The following TTN variants were observed in gnomAD, a reference collection of about 807,000 sequenced individuals.
The protein encoded by TTN is titin, also known as connectin.
Under a neutral mutation model 3,223.0 loss-of-function variants are expected in TTN, and 1,525 were observed. The ratio of observed to expected loss-of-function variants is 0.47; its 90% CI spans 0.45 to 0.49. The LOEUF (loss-of-function observed/expected upper bound fraction) is 0.49. Ranked by LOEUF, TTN falls within the 20% of genes least tolerant of loss-of-function variation. TTN has a pLI of 0.00. For missense variants in TTN, 40,786 were observed against 43,424.0 expected (o/e 0.94, Z 5.40); for synonymous variants, 14,094 against 15,161.0 (o/e 0.93, Z 5.17).
chr2:178,704,090 C>A, intron 106 of TTN, 57 bp downstream of exon 106: 1 of 1,578,738 alleles, frequency 6.3e-7, no homozygotes. Flanking sequence ...GGGTCCTGCA[C>A]AACATTTGCC....
intron 20 of TTN, among the ~76,000 whole-genome samples, chr2:178,781,940 G>A (rs1226494018): frequency 6.6e-6 from 1 of 151,696 alleles, no homozygotes; most frequent in African/African-American, 2.4e-5. Flanking sequence ...GGGTGTGTTT[G>A]TGTGAAAATC....
chr2:178,770,666 A>C lies in TTN; in HGVS notation c.8126T>G (p.Ile2709Ser), dbSNP rs2091328773. Residue 2709 changes from isoleucine to serine, a missense_variant, in exon 35 of 363, where the codon ATT (isoleucine) becomes AGT (serine). Coordinates refer to ENST00000589042, the MANE Select transcript of TTN (RefSeq NM_001267550.2). ...TGTGAGGTTCTTCAGAGTCTTCTTA[A>C]TTTTGACAGCTAAAGACAAATTTAT... ...SAKLKVEAVK[I>S]KKTLKNLTVT... 1 of 1,611,842 alleles carries C rather than the reference A, an allele frequency of 6.2e-7. No homozygotes were observed. The highest frequency in any genetic ancestry group is 1.7e-5 in the Admixed American group (1 of 59,972).
rs779953838 is a variant in TTN, at chr2:178,547,434, C to T, written c.94192G>A (p.Ala31398Thr). The change falls in exon 339 of 363, where the codon GCA (alanine) becomes ACA (threonine). Residue 31398 changes from alanine (A) to threonine (T), a missense_variant. Transcript: ENST00000589042. ...RFGVSKPLES[A>T]PIIAEHPFVP... ...AATGGATGTTCAGCAATTATTGGTG[C>T]TGATTCTAGAGGTTTGCTGACACCA... is the stretch of plus-strand genomic sequence containing the variant. 3 of 1,604,260 alleles carry T rather than the reference C, an allele frequency of 1.9e-6. No homozygotes were observed. In the Admixed American group the frequency reaches 5.1e-5, roughly 27 times the overall value.
In TTN at chr2:178,609,410, C is replaced by G. The variant is rs760140429; in HGVS notation, c.51900G>C (p.Leu17300Phe). The G allele has an allele frequency of 1.2e-6, 2 of 1,612,214 alleles. No individual in the cohort carries two copies. Among genetic ancestry groups the G allele is most frequent in the Admixed American group, 1.7e-5 (1 of 59,908 alleles). Residue 17300 changes from leucine (L) to phenylalanine (F), a missense_variant, in exon 273 of 363, where the codon TTG becomes TTC. Leu to Phe is a conservative substitution (Grantham distance 22). Coordinates refer to ENST00000589042, the MANE Select transcript of TTN (RefSeq NM_001267550.2). The stretch of plus-strand genomic sequence containing the variant: ...GAACTTCACCCTTCCTTCTCCTAAC[C>G]AAGGGTGCTGCACGCTTCTTAATTT... The part of the protein sequence containing the change: ...PEEIKKRAAP[L>F]VRRRKGEVQE...
In TTN at chr2:178,575,852, A is replaced by G; in HGVS notation, c.70280T>C (p.Phe23427Ser). The G allele has an allele frequency of 6.2e-7, 1 of 1,613,602 alleles. No individual in the cohort carries two copies. The highest frequency in any genetic ancestry group is 8.5e-7 in the Non-Finnish European group (1 of 1,179,622). ...IENPAGKKSG[F>S]VNVRVLDTPG... ...CGTGTCCAAGACTCTGACGTTCACA[A>G]AGCCACTTTTCTTCCCAGCCGGGTT... The change falls in exon 326 of 363, where the codon TTT (phenylalanine) becomes TCT (serine). Residue 23427 changes from phenylalanine to serine, a missense_variant. By Grantham distance (155) the Phe-to-Ser change is radical. Transcript: ENST00000589042. The surrounding 1 kb of genome is among the most constrained non-coding windows in gnomAD (Gnocchi z 4.0).
rs779044914 is a variant in TTN at position 178,583,843 on chromosome 2, C to T, written c.65339G>A (p.Arg21780His). Residue 21780 changes from arginine (R) to histidine (H), a missense_variant, in exon 312 of 363, where the codon CGT becomes CAT. By Grantham distance (29) the Arg-to-His change is conservative. Transcript: ENST00000589042. ...TTTACTGCCTCCATCATGCTTTGGACGAGCCCAGATCAGAGATACAGTACT... is the reference window on the plus strand; with the variant it reads ...TTTACTGCCTCCATCATGCTTTGGATGAGCCCAGATCAGAGATACAGTACT... ...TKSTVSLIWA[R>H]PKHDGGSKII... is the part of the protein sequence containing the mutation. 1.1e-5 allele frequency: 17 copies of T among 1,608,774 alleles called. No homozygotes were observed. The highest frequency in any genetic ancestry group is 5.6e-5 in the South Asian group (5 of 90,052).
chr2:178,646,183 C>T (rs527978637), intron 216 of TTN, among the ~76,000 whole-genome samples, 153 bp from the exon 217 acceptor site: 1 of 115,736 alleles, frequency 8.6e-6, no homozygotes, highest in Non-Finnish European at 1.7e-5. Context: ...TACGTAATAC[C>T]AGTATCCAAC....
intron 13 of TTN, among the ~76,000 whole-genome samples, chr2:178,788,009 A>G (rs1198590236): frequency 2.0e-5 from 3 of 152,106 alleles, no homozygotes; most frequent in Admixed American, 2.0e-4. Flanking sequence ...ACTACTAGAA[A>G]TGCTCACTGT....
At position 178,723,477 on chromosome 2, in the gene TTN, G is replaced by A. The variant is rs1250736680; in HGVS notation, c.21623C>T (p.Thr7208Ile). The change falls in exon 74 of 363, where the codon ACC (threonine) becomes ATC (isoleucine). Residue 7208 changes from threonine (T) to isoleucine (I), a missense_variant. By Grantham distance (89) the Thr-to-Ile change is moderately conservative. Transcript: ENST00000589042. ...GCCAGCGTTGTTAGAAACCACACAG[G>A]TGTATTCCCCACTCTGAGATATGTC... ...NIDISQSGEY[T>I]CVVSNNAGQA... 1.9e-6 allele frequency: 3 copies of A among 1,613,328 alleles called. No individual in the cohort carries two copies. The highest frequency in any genetic ancestry group is 2.5e-6 in the Non-Finnish European group (3 of 1,179,584).
intron 227 of TTN, 52 bp from the exon 228 acceptor site, chr2:178,635,356 C>CT: frequency 6.2e-7 from 1 of 1,607,768 alleles, no homozygotes; most frequent in Non-Finnish European, 8.5e-7. Context: ...CCCAACGATG[C>CT]TTTGCTTTTA....
rs764436476 is a variant in TTN, at chr2:178,557,740, C to T, written c.87614G>A (p.Gly29205Glu). The T allele has an allele frequency of 2.5e-6, 4 of 1,613,944 alleles. No individual in the cohort carries two copies. Among genetic ancestry groups the T allele is most frequent in the South Asian group, 2.2e-5 (2 of 91,068 alleles). Residue 29205 changes from glycine (G) to glutamate (E), a missense_variant, in exon 328 of 363, where the codon GGA becomes GAA. Coordinates refer to ENST00000589042, the MANE Select transcript of TTN (RefSeq NM_001267550.2). Reference protein sequence around the residue: ...TMMKVMKLTTGEEYQFRIKAE... With the variant: ...TMMKVMKLTTEEEYQFRIKAE... The stretch of plus-strand genomic sequence containing the variant: ...CTTGATGCGGAATTGGTATTCTTCT[C>T]CTGTGGTCAGTTTCATGACTTTCAT...
At position 178,549,755 on chromosome 2, in the gene TTN, A is replaced by T. The variant is rs775922403; in HGVS notation, c.91967T>A (p.Ile30656Asn). 3 of 1,613,710 alleles carry T rather than the reference A, an allele frequency of 1.9e-6. No homozygotes were observed. Among genetic ancestry groups the T allele is most frequent in the Non-Finnish European group, 2.5e-6 (3 of 1,179,750 alleles). The change falls in exon 338 of 363, where the codon ATC (isoleucine) becomes AAC (asparagine). Residue 30656 changes from isoleucine (I) to asparagine (N), a missense_variant. Transcript: ENST00000589042. ...NDGCAPITHY[I>N]IEKRETSRLA... ...TCTGCTGGTTTCCCGTTTTTCAATGATGTAGTGGGTTATGGGAGCACAACC... is the reference window on the plus strand; with the variant it reads ...TCTGCTGGTTTCCCGTTTTTCAATGTTGTAGTGGGTTATGGGAGCACAACC...
chr2:178,557,343 T>A lies in TTN; in HGVS notation c.87919A>T (p.Ile29307Phe). Residue 29307 changes from isoleucine (I) to phenylalanine (F), a missense_variant, in exon 329 of 363, where the codon ATT (isoleucine) becomes TTT (phenylalanine). By Grantham distance (21) the Ile-to-Phe change is conservative. Transcript: ENST00000589042. The part of the protein sequence containing the change: ...FKVTTISAGL[I>F]YEFRVYAENA... ...TCTGCATACACCCTGAATTCATAAA[T>A]AAGTCCAGCACTGATTGTTGTGACT... The A allele has an allele frequency of 6.2e-7, 1 of 1,613,990 alleles. No individual in the cohort carries two copies. Among genetic ancestry groups the A allele is most frequent in the Non-Finnish European group, 8.5e-7 (1 of 1,179,860 alleles).
Position 178,578,680 on chromosome 2 carries a change from C to G in TTN, c.68260G>C (p.Asp22754His). ...AGAGATACTGAATCGTGTCTGACAT[C>G]CACAATATTGGGAGGTGGGGGAGCA... ...PDAPPPPNIV[D>H]VRHDSVSLTW... The change falls in exon 321 of 363, where the codon GAT (aspartate) becomes CAT (histidine). Residue 22754 changes from aspartate (D) to histidine (H), a missense_variant. Asp to His is a moderately conservative substitution (Grantham distance 81). Coordinates refer to ENST00000589042, the MANE Select transcript of TTN (RefSeq NM_001267550.2). 6.2e-7 allele frequency: 1 copy of G among 1,611,662 alleles called. No individual in the cohort carries two copies. The highest frequency in any genetic ancestry group is 1.1e-5 in the South Asian group (1 of 90,528).
At chr2:178,537,978 C>T in intron 354 of TTN, 61 bp from the exon 355 acceptor site, 3 of 1,383,192 alleles carry the variant, frequency 2.2e-6, no homozygotes, top group Non-Finnish European at 2.9e-6. Context: ...ATCCTTTGTC[C>T]TTGTATATCA....
In TTN at chr2:178,549,173, G is replaced by C; in HGVS notation, c.92453C>G (p.Pro30818Arg). ...GISRLIKCRE[P>R]VNPPGPPTVV... ...TGTGGGAGGACCTGGTGGGTTGACG[G>C]GCTCTCTACATTTAATGAGTCTTGA... The change falls in exon 339 of 363, where the codon CCC (proline) becomes CGC (arginine). Residue 30818 changes from proline (P) to arginine (R), a missense_variant. Physicochemically the swap from Pro to Arg is moderately radical, Grantham distance 103 (BLOSUM62 -2). Coordinates refer to ENST00000589042, the MANE Select transcript of TTN (RefSeq NM_001267550.2). 2 of 1,613,730 alleles carry C rather than the reference G, an allele frequency of 1.2e-6. No homozygotes were observed. The highest frequency in any genetic ancestry group is 1.7e-6 in the Non-Finnish European group (2 of 1,179,826).
In TTN at chr2:178,707,817, G is replaced by T; in HGVS notation, c.28754-4C>A. 6.4e-7 allele frequency: 1 copy of T among 1,571,544 alleles called. No homozygotes were observed. ...AATACAGGTGGCTTCTTAGGTTCTG[G>T]AATTGAAAAGGTATTTTCATGAGGA... On this transcript the variant is annotated splice_polypyrimidine_tract_variant and splice_region_variant and intron_variant, in intron 99 of 362. Transcript: ENST00000589042.
chr2:178,786,206 G>GAGA, intron 13 of TTN, 65 bp from the exon 14 acceptor site: 2 of 1,559,016 alleles, frequency 1.3e-6, no homozygotes, highest in Non-Finnish European at 1.8e-6. Context: ...TATCTCCTGG[G>GAGA]CATCAGGACA....
rs369539943 is a variant in TTN at position 178,565,229 on chromosome 2, A to T, written c.80903T>A (p.Ile26968Asn). Residue 26968 changes from isoleucine to asparagine, a missense_variant, in exon 326 of 363, where the codon ATC (isoleucine) becomes AAC (asparagine). Physicochemically the swap from Ile to Asn is moderately radical, Grantham distance 149 (BLOSUM62 -3). Transcript: ENST00000589042. ...AGTATENLSV[I>N]VLEKPGPPVG... ...TGGAGGTCCAGGCTTTTCTAAAACG[A>T]TAACACTGAGATTTTCTGTTGCTGT... 2 of 1,613,578 alleles carry T rather than the reference A, an allele frequency of 1.2e-6. No homozygotes were observed. The highest frequency in any genetic ancestry group is 1.7e-6 in the Non-Finnish European group (2 of 1,179,692).
Sources: allele counts gnomAD v4.1 joint callset (sites outside exome capture counted in the v4.1 genomes callset), GRCh38; gene constraint gnomAD v4.1.1; non-coding constraint Gnocchi (gnomAD v3.1); transcripts MANE v1.5; gene names NCBI Gene and HGNC (gene_info 2026-07-23, HGNC 2026-07-21).